NGF: variants seen among roughly 807,000 people sequenced by gnomAD.
The protein encoded by NGF is beta-nerve growth factor.
NGF carries 4 observed loss-of-function variants against 12.8 expected under a neutral mutation model. The ratio of observed to expected loss-of-function variants is 0.31; its 90% CI spans 0.15 to 0.72. The LOEUF is 0.72. NGF is among the 30% of genes least tolerant of loss of function. The pLI is 0.69. For synonymous variants in NGF, 140 were observed against 130.0 expected, an observed-to-expected ratio of 1.08 and a Z score of -0.52; for missense variants, 283 against 330.8, an observed-to-expected ratio of 0.86 and a Z score of 1.12.
At chr1:115,320,020 T>G (rs4348722) in intron 1 of NGF, among the ~76,000 whole-genome samples, 130,422 of 152,196 alleles carry the variant, frequency 0.86, 56,360 homozygotes, top group African/African-American at 0.95. Context: ...CCTGGGAGAA[T>G]CCAGATGGCC....
intron 1 of NGF, among the ~76,000 whole-genome samples, chr1:115,333,122 G>C (rs537355949): frequency 6.6e-6 from 1 of 152,288 alleles, no homozygotes; most frequent in South Asian, 2.1e-4. Flanking sequence ...GAGCTCTTGA[G>C]ACCATCCTCC....
In NGF at chr1:115,337,267, G is replaced by GTTTGTTTTTTTTTTTTTTTTTTTTTTT; in HGVS notation, c.-137+936_-137+937insAAAAAAAAAAAAAAAAAAAAAAACAAA. Among the ~76,000 whole-genome samples, 114 of 81,030 alleles carry GTTTGTTTTTTTTTTTTTTTTTTTTTTT rather than the reference G, an allele frequency of 1.4e-3. 25 individuals carry two copies. The highest frequency in any genetic ancestry group is 1.6e-3 in the South Asian group (4 of 2,496). 53.2% of individuals were successfully genotyped at this position (81,030 alleles called of 152,430 possible). A position where few individuals can be genotyped will look rare whatever the true frequency, so the allele number is the denominator to read the frequency against. ...TCGAAATTTTTTTTGTTTTGTTTTT[G>GTTTGTTTTTTTTTTTTTTTTTTTTTTT]TTTTTTTTTTTTTTTTTTTTTTTTT... On this transcript the variant is annotated intron_variant, in intron 1 of 2. Transcript: ENST00000369512.
intron 1 of NGF, among the ~76,000 whole-genome samples, chr1:115,337,921 G>A (rs1466721195): frequency 6.6e-6 from 1 of 152,176 alleles, no homozygotes; most frequent in Non-Finnish European, 1.5e-5. Flanking sequence ...TTCTGCAGGC[G>A]CCAGGGCTGC....
At chr1:115,312,320 A>G (rs1362877574) in intron 1 of NGF, among the ~76,000 whole-genome samples, 2 of 152,334 alleles carry the variant, frequency 1.3e-5, no homozygotes, top group East Asian at 3.9e-4. Flanking sequence ...TTTGGTCCTT[A>G]ATCAGTCAAT....
At chr1:115,332,849 C>T (rs1654960132) in intron 1 of NGF, among the ~76,000 whole-genome samples, 1 of 152,152 alleles carries the variant, frequency 6.6e-6, no homozygotes, top group South Asian at 2.1e-4. Context: ...AAGTGTTCTC[C>T]ATAATCCAAA....
chr1:115,292,777 A>G (rs11466106), intron 2 of NGF, among the ~76,000 whole-genome samples: 4,181 of 152,344 alleles, frequency 0.027, 84 homozygotes, highest in Middle Eastern at 0.051. Flanking sequence ...TCCTGATGCC[A>G]TAAATCCAGA....
At chr1:115,324,238 C>T (rs1654706711) in intron 1 of NGF, among the ~76,000 whole-genome samples, 1 of 152,144 alleles carries the variant, frequency 6.6e-6, no homozygotes, top group Admixed American at 6.6e-5. Context: ...CAAGACTGTC[C>T]TGGAACTAAC....
intron 1 of NGF, among the ~76,000 whole-genome samples, chr1:115,306,644 A>C (rs987678657): frequency 6.6e-6 from 1 of 152,226 alleles, no homozygotes; most frequent in African/African-American, 2.4e-5. Context: ...TGTATACAGC[A>C]AATTGGTGGT....
chr1:115,298,350 T>C (rs531716543), intron 1 of NGF, among the ~76,000 whole-genome samples: 80 of 152,332 alleles, frequency 5.3e-4, no homozygotes, highest in Non-Finnish European at 1.0e-3. Flanking sequence ...ACCTCATGGT[T>C]GCATTCCATA....
intron 1 of NGF, among the ~76,000 whole-genome samples, chr1:115,329,391 A>G (rs1654853316): frequency 6.6e-6 from 1 of 152,206 alleles, no homozygotes; most frequent in Admixed American, 6.5e-5. Context: ...ACCCAAGATC[A>G]CACAACTGCA....
intron 1 of NGF, among the ~76,000 whole-genome samples, chr1:115,320,782 T>TA (rs1379933351): frequency 2.0e-5 from 3 of 152,172 alleles, no homozygotes; most frequent in African/African-American, 4.8e-5. Context: ...GAAGTGTTGG[T>TA]AAAAAATGGC....
rs1653777704 is a variant in NGF, at chr1:115,293,722, C to T, written c.-108G>A. ...TTGGGTCCAGCATGCCATCCAGCCC[C>T]TTGGACTGCACGACCACTGGCCAAA... On this transcript the variant is annotated 5_prime_UTR_variant, in exon 2 of 3. Coordinates refer to ENST00000369512, the MANE Select transcript of NGF (RefSeq NM_002506.3). The T allele has an allele frequency of 6.5e-6, 1 of 152,984 alleles. No individual in the cohort carries two copies. The highest frequency in any genetic ancestry group is 2.4e-5 in the African/African-American group (1 of 41,458). 9.5% of individuals were successfully genotyped at this position (152,984 alleles called of 1,614,324 possible). A position where few individuals can be genotyped will look rare whatever the true frequency, so the allele number is the denominator to read the frequency against.
intron 1 of NGF, among the ~76,000 whole-genome samples, chr1:115,295,648 A>T (rs763849011): frequency 6.6e-6 from 1 of 152,160 alleles, no homozygotes; most frequent in Non-Finnish European, 1.5e-5. Context: ...TCTCCTGTAT[A>T]GAAGGAGATT....
At chr1:115,336,540 A>G (rs1361616611) in intron 1 of NGF, among the ~76,000 whole-genome samples, 1 of 152,168 alleles carries the variant, frequency 6.6e-6, no homozygotes, top group African/African-American at 2.4e-5. Context: ...AACACTGCCC[A>G]TCATGAATTG....
chr1:115,309,630 G>C (rs918252744), intron 1 of NGF, among the ~76,000 whole-genome samples: 3 of 152,002 alleles, frequency 2.0e-5, no homozygotes, highest in African/African-American at 7.3e-5. Context: ...CTGTGTCCAT[G>C]TGTCCTCCTT....
At chr1:115,298,632 C>T (rs935578516) in intron 1 of NGF, among the ~76,000 whole-genome samples, 66 of 152,120 alleles carry the variant, frequency 4.3e-4, no homozygotes, top group Non-Finnish European at 5.1e-4. Flanking sequence ...TGGGACTAGC[C>T]ATTGCTTTGG....
intron 1 of NGF, among the ~76,000 whole-genome samples, chr1:115,310,393 G>C (rs574225323): frequency 1.3e-5 from 2 of 152,174 alleles, no homozygotes; most frequent in South Asian, 4.1e-4. Context: ...TCAGGTTTAG[G>C]ACTATACCAG....
At position 115,304,329 on chromosome 1, in the gene NGF, A is replaced by ATTTTTTT. The variant is rs58345237; in HGVS notation, c.-136-10586_-136-10580dup. Among the ~76,000 whole-genome samples, 456 of 80,730 alleles carry ATTTTTTT rather than the reference A, an allele frequency of 5.6e-3. 14 individuals are homozygous for ATTTTTTT. Among genetic ancestry groups the ATTTTTTT allele is most frequent in the African/African-American group, 0.013 (313 of 24,062 alleles). The allele number at this position is 80,730 out of a possible 152,430, so 53.0% of individuals were successfully genotyped here. A position where few individuals can be genotyped will look rare whatever the true frequency, so the allele number is the denominator to read the frequency against. Reference sequence around the variant, plus strand: ...AGGAGCGCACCACCATGCTTGGCTAATTTTTTTTTTTTTTTTGTATTTTTA... The same window carrying ATTTTTTT: ...AGGAGCGCACCACCATGCTTGGCTAATTTTTTTTTTTTTTTTTTTTTTTGTATTTTTA... On this transcript the variant is annotated intron_variant, in intron 1 of 2. Coordinates refer to ENST00000369512, the MANE Select transcript of NGF (RefSeq NM_002506.3).
intron 2 of NGF, among the ~76,000 whole-genome samples, chr1:115,287,799 T>C (rs904090149): frequency 6.6e-6 from 1 of 152,166 alleles, no homozygotes; most frequent in East Asian, 1.9e-4. Flanking sequence ...ATGGTATGGC[T>C]CTAACTGTCC....
Sources: allele counts gnomAD v4.1 joint callset (sites outside exome capture counted in the v4.1 genomes callset), GRCh38; gene constraint gnomAD v4.1.1; transcripts MANE v1.5; gene names NCBI Gene and HGNC (gene_info 2026-07-23, HGNC 2026-07-21).